MARCHF7: variants seen among roughly 807,000 people sequenced by gnomAD.
MARCHF7 encodes E3 ubiquitin-protein ligase MARCHF7.
A neutral mutation model predicts 76.5 loss-of-function variants in MARCHF7; 20 were observed. That is an observed-to-expected ratio of 0.26 (90% confidence interval 0.18 to 0.38). MARCHF7 has a LOEUF of 0.38. Among genes scored for constraint, MARCHF7 ranks in the 10% least tolerant of loss-of-function variants. The pLI is 1.00. For synonymous variants in MARCHF7, 295 were observed against 293.0 expected, an observed-to-expected ratio of 1.01 and a Z score of -0.07; for missense variants, 797 against 812.9, an observed-to-expected ratio of 0.98 and a Z score of 0.24.
intron 8 of MARCHF7, among the ~76,000 whole-genome samples, chr2:159,753,749 G>A (rs745850623): frequency 6.6e-6 from 1 of 152,180 alleles, no homozygotes. Context: ...CGAACCAGGA[G>A]TCTATTATCA....
intron 1 of MARCHF7, among the ~76,000 whole-genome samples, chr2:159,713,089 G>C (rs1056774105): frequency 5.3e-5 from 8 of 152,238 alleles, no homozygotes; most frequent in African/African-American, 1.9e-4. Context: ...GCCCGGCCTC[G>C]AGTCGAAGTG....
At chr2:159,737,876 T>C (rs1452842131) in intron 4 of MARCHF7, among the ~76,000 whole-genome samples, 1 of 152,164 alleles carries the variant, frequency 6.6e-6, no homozygotes, top group East Asian at 1.9e-4. Flanking sequence ...GACTGTAAAA[T>C]GGTACAGCTG....
intron 3 of MARCHF7, among the ~76,000 whole-genome samples, chr2:159,726,446 T>C (rs1702185466): frequency 6.6e-6 from 1 of 152,084 alleles, no homozygotes; most frequent in Admixed American, 6.6e-5. Context: ...GTAATTTTAG[T>C]GGAGACGGGG....
chr2:159,744,496 A>T (rs16822558), intron 5 of MARCHF7, among the ~76,000 whole-genome samples: 1 of 151,904 alleles, frequency 6.6e-6, no homozygotes, highest in Admixed American at 6.6e-5. Flanking sequence ...TCTCACTCAT[A>T]CTCCTCTTCC....
intron 10 of MARCHF7, 151 bp from the exon 11 acceptor site, chr2:159,764,475 G>C: frequency 2.3e-6 from 1 of 438,620 alleles, no homozygotes. Flanking sequence ...TTAAGCTTGT[G>C]ATTTTTGATG....
In MARCHF7 at chr2:159,759,324, G is replaced by A. The variant is rs1407068070; in HGVS notation, c.1882G>A (p.Ala628Thr). The change falls in exon 9 of 12, where the codon GCA (alanine) becomes ACA (threonine). Residue 628 changes from alanine (A) to threonine (T), a missense_variant. Ala to Thr is a moderately conservative substitution (Grantham distance 58). Around this residue, in one of 3 missense-constraint regions of MARCHF7, gnomAD observed 124 missense variants for 121.3 expected, o/e 1.02. Transcript: ENST00000409175. ...TATTCATGAACTACATAGAGCTCAT[G>A]CAAATGAACAAGTTAGTATATTTTG... ...FDIHELHRAH[A>T]NEQAEYEFIS... The A allele has an allele frequency of 2.5e-5, 40 of 1,592,490 alleles. No homozygotes were observed. Among genetic ancestry groups the A allele is most frequent in the Non-Finnish European group, 3.4e-5 (39 of 1,162,946 alleles).
At position 159,768,569 on chromosome 2, in the gene MARCHF7, A is replaced by G. The variant is rs994153908; in HGVS notation, c.*1227A>G. ...TTGGCTCAAAATAAAGTACACACTG[A>G]TTTATTTTACTGTTTGAAATGTTTC... is the stretch of plus-strand genomic sequence containing the variant. On this transcript the variant is annotated 3_prime_UTR_variant, in exon 12 of 12. Coordinates refer to ENST00000409175, the MANE Select transcript of MARCHF7 (RefSeq NM_001282805.2). The G allele has an allele frequency of 6.6e-6, 1 of 152,616 alleles. No homozygotes were observed. The highest frequency in any genetic ancestry group is 6.5e-5 in the Admixed American group (1 of 15,274). The allele number at this position is 152,616 out of a possible 1,614,324, so 9.5% of individuals were successfully genotyped here.
chr2:159,727,054 A>G (rs919253549), intron 3 of MARCHF7, among the ~76,000 whole-genome samples: 5 of 152,368 alleles, frequency 3.3e-5, no homozygotes, highest in African/African-American at 1.2e-4. Flanking sequence ...AATCACCTAA[A>G]GACGCATTTC....
At chr2:159,723,391 G>A (rs1166536889) in intron 3 of MARCHF7, among the ~76,000 whole-genome samples, 3 of 152,178 alleles carry the variant, frequency 2.0e-5, no homozygotes, top group Non-Finnish European at 2.9e-5. Flanking sequence ...GGGATAATAA[G>A]CATAAATTAG....
At chr2:159,730,710 G>A (rs1235194378) in intron 4 of MARCHF7, among the ~76,000 whole-genome samples, 1 of 152,082 alleles carries the variant, frequency 6.6e-6, no homozygotes, top group East Asian at 1.9e-4. Flanking sequence ...ACAGAATTGT[G>A]TTTTCCTGTA....
chr2:159,761,406 C>CTTTTT (rs747902045), intron 9 of MARCHF7, among the ~76,000 whole-genome samples: 9,677 of 73,300 alleles, frequency 0.13, 2,352 homozygotes, highest in Admixed American at 0.22. Flanking sequence ...TGAATCATTT[C>CTTTTT]TTTTTTTTTT....
intron 8 of MARCHF7, among the ~76,000 whole-genome samples, chr2:159,754,966 G>T (rs12478590): frequency 1.3e-5 from 2 of 152,108 alleles, no homozygotes; most frequent in African/African-American, 4.8e-5. Context: ...AGTGAGGTAC[G>T]TGTACAATTT....
At chr2:159,746,464 C>T (rs1157857898) in intron 6 of MARCHF7, among the ~76,000 whole-genome samples, 2 of 152,332 alleles carry the variant, frequency 1.3e-5, no homozygotes, top group East Asian at 1.9e-4. Context: ...TGCAATGGCA[C>T]GACGTCAGCT....
chr2:159,733,647 AGAGAAAAGAG>A, intron 4 of MARCHF7: 2 of 985,376 alleles, frequency 2.0e-6, no homozygotes, highest in Non-Finnish European at 2.4e-6. Flanking sequence ...CTGAAGCTTC[AGAGAAAAGAG>A]GGTCAGGGGG....
chr2:159,739,142 G>A (rs1703823860), intron 4 of MARCHF7, among the ~76,000 whole-genome samples: 1 of 152,250 alleles, frequency 6.6e-6, no homozygotes, highest in Non-Finnish European at 1.5e-5. Context: ...AGGCCCCTGA[G>A]AGCACAGGGA....
chr2:159,722,284 C>T (rs767505393), intron 3 of MARCHF7, among the ~76,000 whole-genome samples: 4 of 152,134 alleles, frequency 2.6e-5, no homozygotes, highest in South Asian at 2.1e-4. Flanking sequence ...ATCACAGGCG[C>T]GTGCCACCAC....
Position 159,769,976 on chromosome 2 carries a change from A to C in MARCHF7, c.*2634A>C, listed in dbSNP as rs935444335. ...GATTTTAAACTAAATTTACTTAAAT[A>C]GCCTCATGTGGCTAGTGGCTCATTG... is the stretch of plus-strand genomic sequence containing the variant. On this transcript the variant is annotated 3_prime_UTR_variant, in exon 12 of 12. Transcript: ENST00000409175. 6.6e-6 allele frequency: 1 copy of C among 152,232 alleles called. No individual in the cohort carries two copies. Among genetic ancestry groups the C allele is most frequent in the Non-Finnish European group, 1.5e-5 (1 of 68,044 alleles). The allele number at this position is 152,232 out of a possible 1,614,324, so 9.4% of individuals were successfully genotyped here.
intron 8 of MARCHF7, among the ~76,000 whole-genome samples, chr2:159,753,846 A>G (rs1574401407): frequency 6.6e-6 from 1 of 152,148 alleles, no homozygotes; most frequent in Non-Finnish European, 1.5e-5. Context: ...TATATTTTGT[A>G]GGTAGGTTCT....
intron 11 of MARCHF7, among the ~76,000 whole-genome samples, chr2:159,765,062 T>C (rs1188178691): frequency 6.6e-6 from 1 of 152,178 alleles, no homozygotes; most frequent in Non-Finnish European, 1.5e-5. Flanking sequence ...TTACTCAGGT[T>C]TGTTAGATCA....
Sources: allele counts gnomAD v4.1 joint callset (sites outside exome capture counted in the v4.1 genomes callset), GRCh38; gene constraint gnomAD v4.1.1; regional missense constraint gnomAD v4.1.1; transcripts MANE v1.5; gene names NCBI Gene and HGNC (gene_info 2026-07-23, HGNC 2026-07-21).